Variants in CXADR observed in about 807,000 individuals in gnomAD.
The protein encoded by CXADR is coxsackievirus and adenovirus receptor.
Under a neutral mutation model 40.3 loss-of-function variants are expected in CXADR, and 20 were observed. The ratio of observed to expected loss-of-function variants is 0.50; its 90% CI spans 0.35 to 0.72. The LOEUF (loss-of-function observed/expected upper bound fraction) is 0.72. CXADR is among the 30% of genes least tolerant of loss of function. The probability of loss-of-function intolerance (pLI) is 0.01; values close to 1 mark genes in which losing one functional copy is unlikely to be tolerated. For synonymous variants in CXADR, 150 were observed against 161.3 expected (o/e 0.93, Z 0.53); for missense variants, 332 against 449.1 (o/e 0.74, Z 2.36).
downstream of CXADR, chr21:17,598,534 T>C (rs955868826): frequency 3.4e-6 from 4 of 1,172,872 alleles, no homozygotes; most frequent in Non-Finnish European, 4.8e-6. Flanking sequence ...GTCAGAAACC[T>C]TGGGCAATGC....
the CXADR span, among the ~76,000 whole-genome samples, chr21:17,627,366 G>A: frequency 1.3e-5 from 2 of 152,058 alleles, no homozygotes. Context: ...CGAAAAAAAA[G>A]AGAACTGGAG....
chr21:17,518,405 A>G (rs953811470), intron 1 of CXADR: 1 of 563,432 alleles, frequency 1.8e-6, no homozygotes, highest in Non-Finnish European at 3.2e-6. Context: ...AGCATTATTA[A>G]TATACAAAAT....
the CXADR span, among the ~76,000 whole-genome samples, chr21:17,602,555 T>C: frequency 6.6e-6 from 1 of 152,234 alleles, no homozygotes; most frequent in Admixed American, 6.5e-5. Context: ...TACTAAACGA[T>C]TAATACGTCT....
At chr21:17,549,284 C>G (rs1346404975) in intron 2 of CXADR, among the ~76,000 whole-genome samples, 3 of 152,196 alleles carry the variant, frequency 2.0e-5, no homozygotes, top group Non-Finnish European at 4.4e-5. Context: ...ACTCTCACAG[C>G]TGCTCTGTTA....
chr21:17,546,127 A>T (rs938129411), intron 1 of CXADR, among the ~76,000 whole-genome samples: 5 of 152,284 alleles, frequency 3.3e-5, no homozygotes, highest in Admixed American at 3.3e-4. Flanking sequence ...TTTCTTTTTG[A>T]ATTATCCTCA....
At chr21:17,544,535 G>A (rs2060869853) in intron 1 of CXADR, among the ~76,000 whole-genome samples, 1 of 106,772 alleles carries the variant, frequency 9.4e-6, no homozygotes, top group Non-Finnish European at 2.2e-5. Flanking sequence ...CAGAGAGCTG[G>A]TCTAGACTAG....
chr21:17,621,946 T>C, the CXADR span, among the ~76,000 whole-genome samples: 5,703 of 152,314 alleles, frequency 0.037, 132 homozygotes, highest in Middle Eastern at 0.065. Context: ...GGTGTAGGTA[T>C]ATAAAAGGGT....
At chr21:17,636,018 C>T in the CXADR span, among the ~76,000 whole-genome samples, 13 of 152,094 alleles carry the variant, frequency 8.5e-5, no homozygotes, top group African/African-American at 2.7e-4. Context: ...CATCTTTTGT[C>T]GAATTTATCC....
At chr21:17,633,904 G>T in the CXADR span, among the ~76,000 whole-genome samples, 1 of 152,124 alleles carries the variant, frequency 6.6e-6, no homozygotes, top group East Asian at 1.9e-4. Flanking sequence ...ACTCCCATGT[G>T]CTTGTACATT....
intron 4 of CXADR, 84 bp from the exon 5 acceptor site, chr21:17,560,618 A>AT: frequency 1.4e-6 from 2 of 1,383,828 alleles, no homozygotes. Context: ...GGATTGTTTA[A>AT]TTTGGAGAGG....
intron 4 of CXADR, 78 bp from the exon 5 acceptor site, chr21:17,560,624 A>G: frequency 5.0e-6 from 7 of 1,407,518 alleles, no homozygotes; most frequent in Non-Finnish European, 6.9e-6. Context: ...TTTAATTTGG[A>G]GAGGACTATG....
chr21:17,585,625 C>G lies in CXADR; in HGVS notation c.1018-7527C>G, dbSNP rs148309036. Among the ~76,000 whole-genome samples, 253 of 152,264 alleles carry G rather than the reference C, an allele frequency of 1.7e-3. 2 individuals carry two copies. Among genetic ancestry groups the G allele is most frequent in the African/African-American group, 5.9e-3 (245 of 41,550 alleles). On this transcript the variant is annotated intron_variant, in intron 7 of 7. Transcript: ENST00000400169. ...CTCCGCCTCCCAGGTTCAAGCGATT[C>G]TCCTGCCTCAGCCTCCTGAGTAGCT...
rs574617484 is a variant in CXADR at position 17,568,770 on chromosome 21, T to C, written c.*3078T>C. ...AATCTTAACTAATATGATTCCCTTG[T>C]TAGAGAGCCTCTCACTCCCCCACCC... On this transcript the variant is annotated 3_prime_UTR_variant, in exon 7 of 7. Transcript: ENST00000284878. The C allele has an allele frequency of 8.1e-6, 8 of 985,262 alleles. No homozygotes were observed. The African/African-American group carries it at 1.2e-4, about 15-fold the overall frequency. 61.0% of individuals were successfully genotyped at this position (985,262 alleles called of 1,614,324 possible).
the CXADR span, among the ~76,000 whole-genome samples, chr21:17,601,318 G>A: frequency 6.6e-6 from 1 of 152,294 alleles, no homozygotes; most frequent in Non-Finnish European, 1.5e-5. Context: ...GCTGGAGCTG[G>A]CTAGATAGTG....
rs1232014390 is a variant in CXADR at position 17,566,237 on chromosome 21, A to G, written c.*545A>G. The G allele has an allele frequency of 1.0e-6, 1 of 979,042 alleles. No individual in the cohort carries two copies. The highest frequency in any genetic ancestry group is 6.1e-5 in the Admixed American group (1 of 16,264). 60.6% of individuals were successfully genotyped at this position (979,042 alleles called of 1,614,324 possible). A position where few individuals can be genotyped will look rare whatever the true frequency, so the allele number is the denominator to read the frequency against. On this transcript the variant is annotated 3_prime_UTR_variant, in exon 7 of 7. Coordinates refer to ENST00000284878, the MANE Select transcript of CXADR (RefSeq NM_001338.5). ...TTGGAATATCTCTAAAAACATAGAAAACACTACAGTGGTTTAGAAATTACT... is the reference window on the plus strand; with the variant it reads ...TTGGAATATCTCTAAAAACATAGAAGACACTACAGTGGTTTAGAAATTACT...
At position 17,569,618 on chromosome 21, in the gene CXADR, A is replaced by AT; in HGVS notation, c.*3929dup. 1 of 984,488 alleles carries AT rather than the reference A, an allele frequency of 1.0e-6. No homozygotes were observed. Among genetic ancestry groups the AT allele is most frequent in the Non-Finnish European group, 1.2e-6 (1 of 829,124 alleles). The allele number at this position is 984,488 out of a possible 1,614,324, so 61.0% of individuals were successfully genotyped here. A position where few individuals can be genotyped will look rare whatever the true frequency, so the allele number is the denominator to read the frequency against. On this transcript the variant is annotated 3_prime_UTR_variant, in exon 7 of 7. Transcript: ENST00000284878. ...ACATTTGTGAATTGTGGTTCAGTTT[A>AT]TTTATCTTTAGGGAAGGCTGATCAT...
chr21:17,562,244 G>C (rs2061133471), intron 6 of CXADR, among the ~76,000 whole-genome samples: 1 of 152,230 alleles, frequency 6.6e-6, no homozygotes, highest in African/African-American at 2.4e-5. Context: ...CACTGTTGAT[G>C]ACTGGTGGCT....
At chr21:17,623,488 TTTACATTCA>T in the CXADR span, among the ~76,000 whole-genome samples, 8 of 152,340 alleles carry the variant, frequency 5.3e-5, no homozygotes, top group Middle Eastern at 3.4e-3. Context: ...CACTCCTCTC[TTTACATTCA>T]TTTCCTCTGT....
chr21:17,518,870 G>C lies in CXADR; in HGVS notation c.43+5698G>C, dbSNP rs564418482. 1.4e-4 allele frequency: 212 copies of C among 1,563,416 alleles called. No individual in the cohort carries two copies. The Middle Eastern group carries it at 1.5e-3, about 11-fold the overall frequency. On this transcript the variant is annotated intron_variant, in intron 1 of 6. Coordinates refer to ENST00000284878, the MANE Select transcript of CXADR (RefSeq NM_001338.5). ...ATATTATTCACAGCCAGTTTTTTTA[G>C]AGAACTCTGAAGCTTTTTGTCATCA...
Sources: gnomAD v4.1 joint callset for allele counts (sites outside exome capture counted in the v4.1 genomes callset) on GRCh38, gnomAD v4.1.1 for gene constraint, MANE v1.5 for transcripts, NCBI Gene and HGNC (gene_info 2026-07-23, HGNC 2026-07-21) for gene names.